TDRD3: variants seen among roughly 807,000 people sequenced by gnomAD.
The protein encoded by TDRD3 is tudor domain containing 3, also known as tudor domain-containing protein 3.
TDRD3 carries 45 observed loss-of-function variants against 86.7 expected under a neutral mutation model. The observed-to-expected ratio is 0.52, with a 90% CI of 0.41 to 0.67. TDRD3 has a LOEUF of 0.67. Ranked by LOEUF, TDRD3 falls within the 30% of genes least tolerant of loss-of-function variation. The pLI, the probability that TDRD3 is intolerant of heterozygous loss-of-function variation, is 0.00. For missense variants in TDRD3, 814 were observed against 889.0 expected (o/e 0.92, Z 1.07); for synonymous variants, 298 against 301.7 (o/e 0.99, Z 0.13).
upstream of TDRD3, chr13:60,396,367 C>CT (rs1953905559): frequency 6.6e-6 from 1 of 152,250 alleles, no homozygotes; most frequent in African/African-American, 2.4e-5. Context: ...CTGTTCCTCT[C>CT]TGATTGGCCA....
chr13:60,567,679 A>T (rs376161278), intron 13 of TDRD3, 29 bp downstream of exon 13: 1 of 1,603,476 alleles, frequency 6.2e-7, no homozygotes, highest in South Asian at 1.1e-5. Flanking sequence ...AGTGGTTTTC[A>T]TATAAAGAAA....
chr13:60,512,381 C>A (rs9528152), intron 10 of TDRD3, among the ~76,000 whole-genome samples: 22,497 of 151,884 alleles, frequency 0.15, 2,065 homozygotes, highest in South Asian at 0.28. Context: ...GTTCCACCCC[C>A]AGCCCCTCCC....
At chr13:60,397,143 A>AGCCCCACACCAGGCC (rs1163101091), upstream of TDRD3, 4 of 388,440 alleles carry the variant, frequency 1.0e-5, no homozygotes, top group Middle Eastern at 6.4e-4. Context: ...GCAGCCTGGG[A>AGCCCCACACCAGGCC]GCCCCACACC....
rs868229547 is a variant in TDRD3, at chr13:60,549,079, T to G, written c.2118+13846T>G. Among the ~76,000 whole-genome samples, 4 of 152,216 alleles carry G rather than the reference T, an allele frequency of 2.6e-5. No individual in the cohort carries two copies. In the Middle Eastern group the frequency reaches 0.014, roughly 518 times the overall value. The stretch of plus-strand genomic sequence containing the variant: ...ATCATTACAAAGGCTGTATGAGGAA[T>G]GTATATAAGTGATTAAAAGCAATTT... On this transcript the variant is annotated intron_variant, in intron 12 of 13. Transcript: ENST00000377881.
intron 12 of TDRD3, chr13:60,538,043 C>T (rs1309657660): frequency 2.0e-5 from 3 of 151,744 alleles, no homozygotes; most frequent in Non-Finnish European, 4.4e-5. Flanking sequence ...TAAGTTAATA[C>T]CTTGTTGTAT....
At chr13:60,460,309 T>G in intron 3 of TDRD3, 71 bp from the exon 4 acceptor site, 1 of 1,340,524 alleles carries the variant, frequency 7.5e-7, no homozygotes, top group Non-Finnish European at 1.0e-6. Flanking sequence ...AGAAACACTA[T>G]AAATGAAAAC....
intron 12 of TDRD3, among the ~76,000 whole-genome samples, chr13:60,544,859 C>T (rs1190980404): frequency 6.6e-6 from 1 of 152,084 alleles, no homozygotes; most frequent in Non-Finnish European, 1.5e-5. Context: ...ACTATAAGTA[C>T]CTTCTCTTTT....
chr13:60,404,296 T>C (rs929270211), intron 1 of TDRD3, among the ~76,000 whole-genome samples: 15 of 151,782 alleles, frequency 9.9e-5, no homozygotes, highest in Admixed American at 2.0e-4. Flanking sequence ...TTTGTTGTTG[T>C]TGTTGGTTTG....
At chr13:60,437,572 T>C (rs1161475414) in intron 1 of TDRD3, among the ~76,000 whole-genome samples, 3 of 151,460 alleles carry the variant, frequency 2.0e-5, no homozygotes, top group African/African-American at 4.8e-5. Context: ...GTTGAAGAGG[T>C]GAATTTTGGT....
At chr13:60,498,942 G>C (rs901425137) in intron 8 of TDRD3, among the ~76,000 whole-genome samples, 1 of 152,100 alleles carries the variant, frequency 6.6e-6, no homozygotes, top group Non-Finnish European at 1.5e-5. Context: ...TGGGTCCAGT[G>C]GGTACGCGGA....
chr13:60,469,392 G>A (rs1318269851), intron 5 of TDRD3, among the ~76,000 whole-genome samples: 1 of 151,602 alleles, frequency 6.6e-6, no homozygotes, highest in African/African-American at 2.4e-5. Context: ...GCTAACAACT[G>A]TAAACATTCC....
rs1365708371 is a variant in TDRD3, at chr13:60,552,624, G to A, written c.2119-14901G>A. Among the ~76,000 whole-genome samples, 3 of 152,220 alleles carry A rather than the reference G, an allele frequency of 2.0e-5. No homozygotes were observed. In the East Asian group the frequency reaches 5.8e-4, roughly 29 times the overall value. Reference sequence around the variant, plus strand: ...GTGGGGACTCTGTATGTGGGCTGGAGCCCCACATTTCCCCTCTGAATTGCC... The same window carrying A: ...GTGGGGACTCTGTATGTGGGCTGGAACCCCACATTTCCCCTCTGAATTGCC... On this transcript the variant is annotated intron_variant, in intron 12 of 13. Transcript: ENST00000377881.
At chr13:60,513,452 G>A (rs1957101999) in intron 10 of TDRD3, among the ~76,000 whole-genome samples, 1 of 152,184 alleles carries the variant, frequency 6.6e-6, no homozygotes, top group African/African-American at 2.4e-5. Flanking sequence ...CTCAGAAAAT[G>A]GGATTTTCTT....
intron 1 of TDRD3, among the ~76,000 whole-genome samples, chr13:60,431,615 A>G (rs1010320518): frequency 3.3e-5 from 5 of 149,348 alleles, no homozygotes; most frequent in African/African-American, 1.2e-4. Context: ...TTAGAAGAAG[A>G]TTCTTAAATA....
intron 11 of TDRD3, among the ~76,000 whole-genome samples, 161 bp from the exon 12 acceptor site, chr13:60,534,947 A>AC (rs1191234449): frequency 6.6e-6 from 1 of 151,662 alleles, no homozygotes; most frequent in Non-Finnish European, 1.5e-5. Flanking sequence ...AAAAAAAAAA[A>AC]AGAATTGTCT....
chr13:60,525,116 A>T (rs1421927328), intron 10 of TDRD3, among the ~76,000 whole-genome samples: 1 of 136,482 alleles, frequency 7.3e-6, no homozygotes, highest in African/African-American at 2.6e-5. Context: ...AAAACCCCAC[A>T]ATTTTCACTT....
intron 12 of TDRD3, among the ~76,000 whole-genome samples, chr13:60,559,770 C>G (rs528655285): frequency 6.6e-5 from 10 of 152,190 alleles, no homozygotes; most frequent in Non-Finnish European, 1.2e-4. Flanking sequence ...TCAAAGGTTA[C>G]GAAGTTTCAG....
At chr13:60,566,804 T>G (rs1958470369) in intron 12 of TDRD3, among the ~76,000 whole-genome samples, 2 of 152,200 alleles carry the variant, frequency 1.3e-5, no homozygotes, top group African/African-American at 4.8e-5. Context: ...ACTATACTCT[T>G]TATGCTATTT....
At chr13:60,455,803 C>G (rs1436468473) in intron 3 of TDRD3, among the ~76,000 whole-genome samples, 3 of 151,968 alleles carry the variant, frequency 2.0e-5, no homozygotes, top group Non-Finnish European at 4.4e-5. Flanking sequence ...TATGGTTGCC[C>G]ACGCCTGTAA....
Sources: allele counts gnomAD v4.1 joint callset (sites outside exome capture counted in the v4.1 genomes callset), GRCh38; gene constraint gnomAD v4.1.1; transcripts MANE v1.5; gene names NCBI Gene and HGNC (gene_info 2026-07-23, HGNC 2026-07-21).